PHYHIPL: variants seen among roughly 807,000 people sequenced by gnomAD.
The protein encoded by PHYHIPL is phytanoyl-CoA hydroxylase-interacting protein-like.
PHYHIPL carries 9 observed loss-of-function variants against 33.4 expected under a neutral mutation model. The observed-to-expected ratio is 0.27, with a 90% confidence interval of 0.16 to 0.47. The LOEUF (loss-of-function observed/expected upper bound fraction) is 0.47, where lower values mean the gene tolerates loss of function less well. Among genes scored for constraint, PHYHIPL ranks in the 20% least tolerant of loss-of-function variants. The pLI, the probability that PHYHIPL is intolerant of heterozygous loss-of-function variation, is 0.99. For synonymous variants in PHYHIPL, 153 were observed against 154.1 expected, an observed-to-expected ratio of 0.99 and a Z score of 0.05; for missense variants, 365 against 460.7, an observed-to-expected ratio of 0.79 and a Z score of 1.90.
intron 4 of PHYHIPL, among the ~76,000 whole-genome samples, chr10:59,241,907 A>G (rs1260868197): frequency 6.6e-6 from 1 of 152,178 alleles, no homozygotes; most frequent in Non-Finnish European, 1.5e-5. Flanking sequence ...AACACCAGAA[A>G]GTATGTTCCC....
At chr10:59,192,884 T>C (rs546890728) in intron 1 of PHYHIPL, among the ~76,000 whole-genome samples, 1 of 152,272 alleles carries the variant, frequency 6.6e-6, no homozygotes, top group East Asian at 1.9e-4. Context: ...TTACAGTTCT[T>C]TCTGGACCAG....
At chr10:59,202,578 C>A (rs1839152822) in intron 1 of PHYHIPL, among the ~76,000 whole-genome samples, 1 of 152,044 alleles carries the variant, frequency 6.6e-6, no homozygotes. Context: ...ACTTTTATAC[C>A]ATTTTGGTGT....
intron 1 of PHYHIPL, among the ~76,000 whole-genome samples, chr10:59,204,143 A>G (rs1281930260): frequency 6.6e-6 from 1 of 152,180 alleles, no homozygotes; most frequent in African/African-American, 2.4e-5. Flanking sequence ...GTTTCTGAAA[A>G]CTTTATATAA....
At chr10:59,227,179 T>C (rs367773235) in intron 1 of PHYHIPL, among the ~76,000 whole-genome samples, 1 of 152,278 alleles carries the variant, frequency 6.6e-6, no homozygotes, top group East Asian at 1.9e-4. Flanking sequence ...GGGTAATTCA[T>C]TAAAAAAAGA....
upstream of PHYHIPL, among the ~76,000 whole-genome samples, chr10:59,175,159 G>C (rs1008888438): frequency 6.6e-6 from 1 of 152,168 alleles, no homozygotes; most frequent in African/African-American, 2.4e-5. Context: ...TCCTTTGACA[G>C]GTAATAATTT....
intron 1 of PHYHIPL, among the ~76,000 whole-genome samples, chr10:59,218,352 T>A (rs965625491): frequency 6.6e-6 from 1 of 152,156 alleles, no homozygotes; most frequent in African/African-American, 2.4e-5. Context: ...TTCTCCTCAT[T>A]TATAAGGTGA....
chr10:59,184,927 G>A (rs537065306), intron 1 of PHYHIPL, among the ~76,000 whole-genome samples: 1 of 149,744 alleles, frequency 6.7e-6, no homozygotes, highest in South Asian at 2.1e-4. Flanking sequence ...GCGATAGTTT[G>A]CTGAGAATGA....
chr10:59,200,969 T>G (rs567986565), intron 1 of PHYHIPL, among the ~76,000 whole-genome samples: 49 of 152,216 alleles, frequency 3.2e-4, no homozygotes, highest in Non-Finnish European at 6.2e-4. Flanking sequence ...TTAGTCTTGC[T>G]AGCGGTCTAT....
intron 1 of PHYHIPL, among the ~76,000 whole-genome samples, chr10:59,231,036 A>G (rs979806997): frequency 2.0e-5 from 3 of 152,186 alleles, no homozygotes; most frequent in Non-Finnish European, 4.4e-5. Context: ...AAAGGGTTAA[A>G]TAAGAAAGCA....
At chr10:59,233,049 GAA>G (rs1840123907) in intron 1 of PHYHIPL, among the ~76,000 whole-genome samples, 1 of 151,848 alleles carries the variant, frequency 6.6e-6, no homozygotes, top group African/African-American at 2.4e-5. Context: ...TTGTGGAGAG[GAA>G]ATGTGGAGAA....
At chr10:59,182,846 A>T (rs906934967) in intron 1 of PHYHIPL, among the ~76,000 whole-genome samples, 1 of 152,198 alleles carries the variant, frequency 6.6e-6, no homozygotes, top group Non-Finnish European at 1.5e-5. Context: ...TTCAGGCAAC[A>T]TGGAAAGTGA....
intron 1 of PHYHIPL, among the ~76,000 whole-genome samples, chr10:59,192,414 A>T (rs950415860): frequency 6.6e-6 from 1 of 152,118 alleles, no homozygotes; most frequent in Non-Finnish European, 1.5e-5. Flanking sequence ...ATGGAGCCCA[A>T]GAATTTGCAT....
At chr10:59,187,862 CTTT>C (rs1279457777) in intron 1 of PHYHIPL, among the ~76,000 whole-genome samples, 6 of 152,004 alleles carry the variant, frequency 3.9e-5, no homozygotes, top group Non-Finnish European at 8.8e-5. Flanking sequence ...CTCTTTTCTT[CTTT>C]ATTAGTCTTG....
At chr10:59,221,634 A>G (rs1839779730) in intron 1 of PHYHIPL, 1 of 974,856 alleles carries the variant, frequency 1.0e-6, no homozygotes, top group Non-Finnish European at 1.2e-6. Flanking sequence ...TTCTCATGTC[A>G]GTGGAATCAG....
chr10:59,190,018 C>G (rs998239484), intron 1 of PHYHIPL, among the ~76,000 whole-genome samples: 1 of 151,896 alleles, frequency 6.6e-6, no homozygotes, highest in African/African-American at 2.4e-5. Context: ...TTCAAACTTT[C>G]TAATTTGTGG....
At chr10:59,241,978 A>G (rs1840411554) in intron 4 of PHYHIPL, among the ~76,000 whole-genome samples, 1 of 152,154 alleles carries the variant, frequency 6.6e-6, no homozygotes, top group South Asian at 2.1e-4. Context: ...CTTTTAGACA[A>G]TAACCACCAT....
At position 59,211,062 on chromosome 10, in the gene PHYHIPL, A is replaced by T. The variant is rs114473045; in HGVS notation, c.107-23242A>T. On this transcript the variant is annotated intron_variant, in intron 1 of 4. Coordinates refer to ENST00000373880, the MANE Select transcript of PHYHIPL (RefSeq NM_032439.4). ...GTATCTCAGAACTTAAAGTATAATTAAAAAAAAGTAAATATCACAAATAAG... is the reference window on the plus strand; with the variant it reads ...GTATCTCAGAACTTAAAGTATAATTTAAAAAAAGTAAATATCACAAATAAG... Among the ~76,000 whole-genome samples the T allele has an allele frequency of 2.8e-3, 423 of 152,056 alleles. 2 individuals carry two copies. Among genetic ancestry groups the T allele is most frequent in the African/African-American group, 9.2e-3 (383 of 41,476 alleles).
At chr10:59,216,914 G>A (rs1031525785) in intron 1 of PHYHIPL, among the ~76,000 whole-genome samples, 1 of 152,114 alleles carries the variant, frequency 6.6e-6, no homozygotes, top group Non-Finnish European at 1.5e-5. Flanking sequence ...ATTCATCTTT[G>A]AATCTTCTGG....
At chr10:59,191,543 C>T (rs1838784291) in intron 1 of PHYHIPL, among the ~76,000 whole-genome samples, 1 of 151,920 alleles carries the variant, frequency 6.6e-6, no homozygotes, top group Admixed American at 6.6e-5. Context: ...TTTTGCCAAA[C>T]TTTGTTATAA....
Sources: gnomAD v4.1 joint callset for allele counts (sites outside exome capture counted in the v4.1 genomes callset) on GRCh38, gnomAD v4.1.1 for gene constraint, MANE v1.5 for transcripts, NCBI Gene and HGNC (gene_info 2026-07-23, HGNC 2026-07-21) for gene names.